Variants in SPHKAP observed in about 807,000 individuals in gnomAD.
SPHKAP encodes the protein SPHK1 interactor, AKAP domain containing, also known as A-kinase anchor protein SPHKAP.
Under a neutral mutation model 137.5 loss-of-function variants are expected in SPHKAP, and 67 were observed. The ratio of observed to expected loss-of-function variants is 0.49; its 90% CI spans 0.40 to 0.60. SPHKAP has a LOEUF of 0.60. Among genes scored for constraint, SPHKAP ranks in the 20% least tolerant of loss-of-function variants. The probability of loss-of-function intolerance (pLI) is 0.00; values close to 1 mark genes in which losing one functional copy is unlikely to be tolerated. For synonymous variants in SPHKAP, 813 were observed against 785.3 expected (o/e 1.04, Z -0.59); for missense variants, 2,097 against 2,069.3 (o/e 1.01, Z -0.26).
At chr2:228,001,445 GTATA>G (rs1257516618) in intron 7 of SPHKAP, among the ~76,000 whole-genome samples, 1 of 129,428 alleles carries the variant, frequency 7.7e-6, no homozygotes, top group African/African-American at 2.9e-5. Flanking sequence ...ATATATATAT[GTATA>G]TATACGAATA....
intron 3 of SPHKAP, among the ~76,000 whole-genome samples, chr2:228,054,951 C>T (rs1381666696): frequency 6.6e-6 from 1 of 151,790 alleles, no homozygotes. Flanking sequence ...ACCAACCTGG[C>T]TAACATGGTG....
intron 7 of SPHKAP, among the ~76,000 whole-genome samples, chr2:228,010,583 T>C (rs1048333807): frequency 2.0e-5 from 3 of 152,160 alleles, no homozygotes; most frequent in East Asian, 1.9e-4. Context: ...TGAGTTTCAA[T>C]AACTTCATTG....
chr2:227,995,758 C>T, intron 7 of SPHKAP, 64 bp from the exon 8 acceptor site: 2 of 1,450,544 alleles, frequency 1.4e-6, no homozygotes, highest in East Asian at 2.4e-5. Flanking sequence ...AGAAACTTCA[C>T]AGAGCCACTT....
intron 1 of SPHKAP, among the ~76,000 whole-genome samples, chr2:228,133,489 C>T (rs1699332114): frequency 6.6e-6 from 1 of 152,002 alleles, no homozygotes; most frequent in South Asian, 2.1e-4. Context: ...AAATATTCTT[C>T]TTCTGAAAAT....
At chr2:228,084,039 G>A (rs962213759) in intron 3 of SPHKAP, among the ~76,000 whole-genome samples, 3 of 150,356 alleles carry the variant, frequency 2.0e-5, no homozygotes, top group East Asian at 3.9e-4. Flanking sequence ...CATGGCACAC[G>A]TATACCTATG....
intron 3 of SPHKAP, among the ~76,000 whole-genome samples, chr2:228,052,186 A>G (rs1380199974): frequency 1.3e-5 from 2 of 152,138 alleles, no homozygotes; most frequent in Admixed American, 6.6e-5. Flanking sequence ...AGAAAGAACA[A>G]AAAGAAAAAA....
rs1574863683 is a variant in SPHKAP, at chr2:228,116,472, G to T, written c.139-7533C>A. ...TTTGCAGACATTAGAAATAATGAAT[G>T]CACATAGTATCTGATTATTTCAAGT... On this transcript the variant is annotated intron_variant, in intron 2 of 11. Transcript: ENST00000392056. 4.6e-5 allele frequency among the ~76,000 whole-genome samples: 7 copies of T among 152,250 alleles called. No homozygotes were observed. In the South Asian group the frequency reaches 1.4e-3, roughly 32 times the overall value.
chr2:228,038,900 G>A lies in SPHKAP; in HGVS notation c.247-11357C>T, dbSNP rs995569868. Among the ~76,000 whole-genome samples, 9 of 152,176 alleles carry A rather than the reference G, an allele frequency of 5.9e-5. No homozygotes were observed. The East Asian group carries it at 1.5e-3, about 26-fold the overall frequency. On this transcript the variant is annotated intron_variant, in intron 3 of 11. Transcript: ENST00000392056. ...CAGTTTTCTTCCCATAAAGGTACAG[G>A]GAATACGTACAGAAGCTACAGGAGA...
intron 3 of SPHKAP, among the ~76,000 whole-genome samples, chr2:228,104,581 A>G (rs1171229219): frequency 6.6e-6 from 1 of 152,014 alleles, no homozygotes; most frequent in South Asian, 2.1e-4. Flanking sequence ...GGATTTCATT[A>G]GCACAGAAGA....
intron 2 of SPHKAP, among the ~76,000 whole-genome samples, chr2:228,124,581 C>T (rs4325747): frequency 0.41 from 44,658 of 110,068 alleles, 7,785 homozygotes; most frequent in Admixed American, 0.55. Context: ...GAGGGCCTGT[C>T]GTGGGGTGGG....
In SPHKAP at chr2:228,043,167, G is replaced by GA. The variant is rs200274991; in HGVS notation, c.247-15625dup. 4.2e-3 allele frequency among the ~76,000 whole-genome samples: 632 copies of GA among 152,160 alleles called. 3 individuals are homozygous for GA. The highest frequency in any genetic ancestry group is 0.015 in the African/African-American group (609 of 41,528). ...AGACAACAGATCCTTTATTATTAGA[G>GA]AAAAAAATATTGGATCAGAATGAGC... On this transcript the variant is annotated intron_variant, in intron 3 of 11. Transcript: ENST00000392056.
At chr2:228,109,643 A>G (rs1698453307) in intron 2 of SPHKAP, among the ~76,000 whole-genome samples, 1 of 152,200 alleles carries the variant, frequency 6.6e-6, no homozygotes, top group Non-Finnish European at 1.5e-5. Flanking sequence ...AAGATGAAAT[A>G]TTATCAATAA....
At chr2:228,066,607 G>C (rs761510350) in intron 3 of SPHKAP, among the ~76,000 whole-genome samples, 6 of 152,136 alleles carry the variant, frequency 3.9e-5, no homozygotes, top group Admixed American at 1.3e-4. Flanking sequence ...CTGAGCCCCC[G>C]GCTGCGTGGG....
intron 3 of SPHKAP, among the ~76,000 whole-genome samples, chr2:228,090,856 G>T (rs1467249369): frequency 6.6e-6 from 1 of 152,102 alleles, no homozygotes; most frequent in Admixed American, 6.6e-5. Flanking sequence ...TCACCTGAAG[G>T]GGAGCAGATG....
intron 3 of SPHKAP, among the ~76,000 whole-genome samples, chr2:228,044,874 C>T (rs553762841): frequency 6.6e-6 from 1 of 152,224 alleles, no homozygotes; most frequent in Non-Finnish European, 1.5e-5. Flanking sequence ...TATCCAAAAT[C>T]TACAATGAAC....
chr2:228,181,425 A>C lies in SPHKAP; in HGVS notation c.32+142T>G. The C allele has an allele frequency of 8.4e-7, 1 of 1,183,730 alleles. No individual in the cohort carries two copies. Among genetic ancestry groups the C allele is most frequent in the Non-Finnish European group, 1.3e-6 (1 of 798,008 alleles). The allele number at this position is 1,183,730 out of a possible 1,614,324, so 73.3% of individuals were successfully genotyped here. A position where few individuals can be genotyped will look rare whatever the true frequency, so the allele number is the denominator to read the frequency against. On this transcript the variant is annotated intron_variant, in intron 1 of 11. Transcript: ENST00000392056. This position sits in a 1 kb window ranked among gnomAD's most constrained non-coding sequence, Gnocchi z 4.3. ...GCTCCAGCGAGGCTGGGCCGGACTTATTTACAAGTGCAGTGACCCCTGTCT... is the reference window on the plus strand; with the variant it reads ...GCTCCAGCGAGGCTGGGCCGGACTTCTTTACAAGTGCAGTGACCCCTGTCT...
rs116678419 is a variant in SPHKAP at position 228,047,054 on chromosome 2, A to T, written c.247-19511T>A. 9.5e-3 allele frequency among the ~76,000 whole-genome samples: 1,447 copies of T among 152,332 alleles called. 16 individuals are homozygous for T. Among genetic ancestry groups the T allele is most frequent in the African/African-American group, 0.032 (1,337 of 41,562 alleles). ...AGTATCAGTACCTGAATGAGATAACAAACAAAAGTGGAATAACTCTCCAAA... is the reference window on the plus strand; with the variant it reads ...AGTATCAGTACCTGAATGAGATAACTAACAAAAGTGGAATAACTCTCCAAA... On this transcript the variant is annotated intron_variant, in intron 3 of 11. Coordinates refer to ENST00000392056, the MANE Select transcript of SPHKAP (RefSeq NM_001142644.2).
intron 3 of SPHKAP, among the ~76,000 whole-genome samples, chr2:228,059,131 C>T (rs1353770767): frequency 6.6e-6 from 1 of 152,166 alleles, no homozygotes; most frequent in African/African-American, 2.4e-5. Context: ...GATTATTCCC[C>T]GTTAGTGCTG....
chr2:228,026,696 G>A (rs190299795), intron 4 of SPHKAP, among the ~76,000 whole-genome samples: 2 of 152,158 alleles, frequency 1.3e-5, no homozygotes, highest in African/African-American at 4.8e-5. Context: ...AAATCCCATA[G>A]TACTACACAT....
Sources: gnomAD v4.1 joint callset for allele counts (sites outside exome capture counted in the v4.1 genomes callset) on GRCh38, gnomAD v4.1.1 for gene constraint, Gnocchi (gnomAD v3.1) non-coding constraint, MANE v1.5 for transcripts, NCBI Gene and HGNC (gene_info 2026-07-23, HGNC 2026-07-21) for gene names.